The following TRAF2 variants were observed in gnomAD, a reference collection of about 807,000 sequenced individuals.
The protein encoded by TRAF2 is TNF receptor-associated factor 2.
TRAF2 carries 6 observed loss-of-function variants against 55.6 expected under a neutral mutation model. The observed-to-expected ratio is 0.11, with a 90% CI of 0.06 to 0.21. The LOEUF is 0.21. Among genes scored for constraint, TRAF2 ranks in the 10% least tolerant of loss-of-function variants. The pLI, the probability that TRAF2 is intolerant of heterozygous loss-of-function variation, is 1.00. For missense variants in TRAF2, 561 were observed against 684.5 expected, an observed-to-expected ratio of 0.82 and a Z score of 2.01; for synonymous variants, 329 against 276.3, an observed-to-expected ratio of 1.19 and a Z score of -1.89.
At chr9:136,923,717 CTTTT>C in intron 9 of TRAF2, 131 bp from the exon 10 acceptor site, 1 of 799,362 alleles carries the variant, frequency 1.3e-6, no homozygotes, top group Non-Finnish European at 1.8e-6. Flanking sequence ...GGAAAAAAAA[CTTTT>C]CTTTGCACCC....
chr9:136,888,387 C>T (rs1487419284), intron 1 of TRAF2, among the ~76,000 whole-genome samples: 3 of 152,032 alleles, frequency 2.0e-5, no homozygotes, highest in East Asian at 1.9e-4. Flanking sequence ...GCCGAGATCG[C>T]GCCACTGCAC....
intron 6 of TRAF2, among the ~76,000 whole-genome samples, chr9:136,916,090 T>C (rs1850234657): frequency 6.6e-6 from 1 of 152,202 alleles, no homozygotes; most frequent in South Asian, 2.1e-4. Flanking sequence ...CTGTTGTATG[T>C]GAGTGTCTGT....
chr9:136,885,098 C>T (rs530476015), upstream of TRAF2, among the ~76,000 whole-genome samples: 3 of 152,318 alleles, frequency 2.0e-5, no homozygotes, highest in South Asian at 6.2e-4. Flanking sequence ...GCCTTGCTGT[C>T]CCAGGAATGT....
chr9:136,883,967 G>C (rs543440711), upstream of TRAF2, among the ~76,000 whole-genome samples: 1 of 151,716 alleles, frequency 6.6e-6, no homozygotes, highest in Admixed American at 6.6e-5. Flanking sequence ...TGTGAGTACA[G>C]GCGCGTACCA....
At chr9:136,886,372 TCGG>T (rs1849447046), upstream of TRAF2, 10 of 983,438 alleles carry the variant, frequency 1.0e-5, no homozygotes, top group Admixed American at 5.5e-4. Flanking sequence ...TCAGGCGCGC[TCGG>T]AGCGGGGCGT....
chr9:136,925,067 G>A (rs1339136563), intron 10 of TRAF2, among the ~76,000 whole-genome samples: 1 of 152,176 alleles, frequency 6.6e-6, no homozygotes, highest in Non-Finnish European at 1.5e-5. Flanking sequence ...ATTATTTTGT[G>A]GAATTGAAGA....
chr9:136,918,485 TCAC>T (rs1478188970), intron 7 of TRAF2, among the ~76,000 whole-genome samples: 2 of 151,838 alleles, frequency 1.3e-5, no homozygotes, highest in Non-Finnish European at 2.9e-5. Context: ...AGATGAGGTT[TCAC>T]CATGTTGCCC....
In TRAF2 at chr9:136,921,200, G is replaced by T; in HGVS notation, c.1123G>T (p.Ala375Ser). Residue 375 changes from alanine to serine, a missense_variant, in exon 9 of 11, where the codon GCC (alanine) becomes TCC (serine). By Grantham distance (99) the Ala-to-Ser change is moderately conservative. Coordinates refer to ENST00000247668, the MANE Select transcript of TRAF2 (RefSeq NM_021138.4). ...RQEAVAGRIPAIFSPAFYTSR... is the reference protein window; with the variant it reads ...RQEAVAGRIPSIFSPAFYTSR... ...GGAAGCTGTGGCTGGCCGCATACCC[G>T]CCATCTTCTCCCCAGGTGTGGTTCT... The T allele has an allele frequency of 6.2e-7, 1 of 1,613,732 alleles. No homozygotes were observed. Among genetic ancestry groups the T allele is most frequent in the Non-Finnish European group, 8.5e-7 (1 of 1,180,002 alleles).
At chr9:136,908,813 T>G (rs1444701907) in intron 5 of TRAF2, among the ~76,000 whole-genome samples, 2 of 137,732 alleles carry the variant, frequency 1.5e-5, no homozygotes, top group Non-Finnish European at 3.0e-5. Context: ...GAGCTTGCAG[T>G]GAGCCGAGAT....
chr9:136,892,490 T>C (rs1433094488), intron 1 of TRAF2, among the ~76,000 whole-genome samples: 1 of 151,978 alleles, frequency 6.6e-6, no homozygotes, highest in African/African-American at 2.4e-5. Flanking sequence ...AAAAAGAATG[T>C]GGCTTAAAAA....
chr9:136,892,504 A>G (rs1462043201), intron 1 of TRAF2, among the ~76,000 whole-genome samples: 1 of 152,062 alleles, frequency 6.6e-6, no homozygotes, highest in East Asian at 1.9e-4. Flanking sequence ...TTAAAAACCA[A>G]TGATACTTAA....
upstream of TRAF2, among the ~76,000 whole-genome samples, chr9:136,882,257 A>C (rs1849383543): frequency 6.6e-6 from 1 of 152,202 alleles, no homozygotes; most frequent in African/African-American, 2.4e-5. Context: ...CAGAGGGCAG[A>C]CGCAGCCGCT....
chr9:136,900,585 C>A, intron 4 of TRAF2, 65 bp downstream of exon 4: 1 of 1,336,538 alleles, frequency 7.5e-7, no homozygotes, highest in Non-Finnish European at 1.1e-6. Flanking sequence ...CCACGCTCCC[C>A]AAGCAGTTAT....
intron 4 of TRAF2, among the ~76,000 whole-genome samples, chr9:136,904,064 C>T (rs1037693426): frequency 5.9e-5 from 9 of 152,238 alleles, no homozygotes; most frequent in African/African-American, 2.2e-4. Flanking sequence ...CGCTGCCCCA[C>T]AGGCCTACAT....
chr9:136,898,568 T>C, intron 1 of TRAF2, 145 bp from the exon 2 acceptor site: 2 of 1,447,690 alleles, frequency 1.4e-6, no homozygotes, highest in South Asian at 1.4e-5. Flanking sequence ...CCTGAAGCTC[T>C]GCGATTCTGC....
At position 136,904,780 on chromosome 9, in the gene TRAF2, G is replaced by GTTGCTTCATAAAAGCCAT. The variant is rs1554780099; in HGVS notation, c.367-3290_367-3289insTTGCTTCATAAAAGCCAT. ...TTTCGTTTTTAGGTTTCATAAGCCA[G>GTTGCTTCATAAAAGCCAT]AATAGTTGCTGAGGCTCCTCTTTGA... On this transcript the variant is annotated intron_variant, in intron 4 of 10. Transcript: ENST00000247668. Among the ~76,000 whole-genome samples, 18 of 151,876 alleles carry GTTGCTTCATAAAAGCCAT rather than the reference G, an allele frequency of 1.2e-4. No homozygotes were observed. The South Asian group carries it at 3.7e-3, about 32-fold the overall frequency.
chr9:136,911,750 GCTGT>G (rs563639841), intron 6 of TRAF2, among the ~76,000 whole-genome samples: 111 of 152,200 alleles, frequency 7.3e-4, no homozygotes, highest in Non-Finnish European at 1.4e-3. Flanking sequence ...GTGTCCTGGG[GCTGT>G]CTGTGCCCCC....
At chr9:136,905,638 TC>T (rs1456448553) in intron 4 of TRAF2, among the ~76,000 whole-genome samples, 1 of 152,234 alleles carries the variant, frequency 6.6e-6, no homozygotes, top group East Asian at 1.9e-4. Context: ...ATTTTCAACT[TC>T]CTGTTCCTTT....
At chr9:136,908,662 C>T (rs913497048) in intron 5 of TRAF2, among the ~76,000 whole-genome samples, 1 of 151,852 alleles carries the variant, frequency 6.6e-6, no homozygotes, top group Non-Finnish European at 1.5e-5. Flanking sequence ...GTCAGGAGCT[C>T]GAGACCATCC....
Sources: allele counts gnomAD v4.1 joint callset (sites outside exome capture counted in the v4.1 genomes callset), GRCh38; gene constraint gnomAD v4.1.1; transcripts MANE v1.5; gene names NCBI Gene and HGNC (gene_info 2026-07-23, HGNC 2026-07-21).